Variants in IPCEF1 observed in about 807,000 individuals in gnomAD.
IPCEF1 encodes interactor protein for cytohesin exchange factors 1.
A neutral mutation model predicts 50.9 loss-of-function variants in IPCEF1; 31 were observed. That is an observed-to-expected ratio of 0.61 (90% CI 0.46 to 0.82). The LOEUF (loss-of-function observed/expected upper bound fraction) is 0.82, where lower values mean the gene tolerates loss of function less well. Among genes scored for constraint, IPCEF1 ranks in the 40% least tolerant of loss-of-function variants. The probability of loss-of-function intolerance (pLI) is 0.00; values close to 1 mark genes in which losing one functional copy is unlikely to be tolerated. For synonymous variants in IPCEF1, 181 were observed against 192.0 expected (o/e 0.94, Z 0.47); for missense variants, 458 against 514.0 (o/e 0.89, Z 1.05).
At chr6:154,223,701 C>T (rs1372509963) in intron 5 of IPCEF1, among the ~76,000 whole-genome samples, 1 of 152,212 alleles carries the variant, frequency 6.6e-6, no homozygotes, top group African/African-American at 2.4e-5. Flanking sequence ...ATCTACATTC[C>T]TATCATGGAT....
chr6:154,354,522 A>ACC (rs1784181087), intron 1 of IPCEF1, among the ~76,000 whole-genome samples: 2 of 50,252 alleles, frequency 4.0e-5, no homozygotes, highest in South Asian at 6.2e-4. Flanking sequence ...CTACCACTCC[A>ACC]ATCACCATTT....
intron 1 of IPCEF1, among the ~76,000 whole-genome samples, chr6:154,351,733 A>G (rs946637350): frequency 3.3e-5 from 5 of 152,148 alleles, no homozygotes; most frequent in African/African-American, 1.2e-4. Context: ...TACCTCTCTA[A>G]GCTTCAATTT....
At chr6:154,338,921 C>A (rs899204639) in intron 1 of IPCEF1, among the ~76,000 whole-genome samples, 1 of 152,080 alleles carries the variant, frequency 6.6e-6, no homozygotes, top group Non-Finnish European at 1.5e-5. Flanking sequence ...CCGAGTGACA[C>A]AGCAAAACCC....
At chr6:154,210,955 A>G (rs1277173522) in intron 9 of IPCEF1, among the ~76,000 whole-genome samples, 3 of 152,232 alleles carry the variant, frequency 2.0e-5, no homozygotes, top group African/African-American at 7.2e-5. Flanking sequence ...TAAATAATCA[A>G]TATAATACCT....
rs1428765209 is a variant in IPCEF1 at position 154,155,611 on chromosome 6, A to C, written c.*4217T>G. On this transcript the variant is annotated 3_prime_UTR_variant, in exon 12 of 12. Coordinates refer to ENST00000367220, the MANE Select transcript of IPCEF1 (RefSeq NM_001130700.2). ...CAGGAGTTTGAAACCAGCCTGGGCAACATGGTAAACCCCGGTCTCTACTAA... is the reference window on the plus strand; with the variant it reads ...CAGGAGTTTGAAACCAGCCTGGGCACCATGGTAAACCCCGGTCTCTACTAA... The C allele has an allele frequency of 6.6e-6, 1 of 152,150 alleles. No individual in the cohort carries two copies. Among genetic ancestry groups the C allele is most frequent in the East Asian group, 1.9e-4 (1 of 5,190 alleles). The allele number at this position is 152,150 out of a possible 1,614,324, so 9.4% of individuals were successfully genotyped here.
intron 1 of IPCEF1, among the ~76,000 whole-genome samples, chr6:154,351,431 G>A (rs950782792): frequency 6.6e-6 from 1 of 152,140 alleles, no homozygotes; most frequent in Admixed American, 6.6e-5. Flanking sequence ...AATCACGGAT[G>A]TGCAATCATG....
intron 10 of IPCEF1, among the ~76,000 whole-genome samples, chr6:154,180,409 TA>T (rs1247887583): frequency 0.13 from 5,865 of 45,756 alleles, 389 homozygotes; most frequent in African/African-American, 0.31. Flanking sequence ...TATATATATA[TA>T]TATATTTTTT....
In IPCEF1 at chr6:154,158,986, C is replaced by G. The variant is rs1231373375; in HGVS notation, c.*842G>C. The G allele has an allele frequency of 6.6e-6, 1 of 151,970 alleles. No individual in the cohort carries two copies. Among genetic ancestry groups the G allele is most frequent in the Admixed American group, 6.6e-5 (1 of 15,252 alleles). 9.4% of individuals were successfully genotyped at this position (151,970 alleles called of 1,614,324 possible). A position where few individuals can be genotyped will look rare whatever the true frequency, so the allele number is the denominator to read the frequency against. ...TCTTGTCAATATTGATCCTGGGAAA[C>G]CTGGATATAAATTCACACTATGTAT... is the stretch of plus-strand genomic sequence containing the variant. On this transcript the variant is annotated 3_prime_UTR_variant, in exon 12 of 12. Transcript: ENST00000367220.
chr6:154,179,266 C>G (rs142915979), intron 10 of IPCEF1, among the ~76,000 whole-genome samples: 313 of 152,260 alleles, frequency 2.1e-3, no homozygotes, highest in African/African-American at 6.9e-3. Context: ...CTACAGCAGG[C>G]TTGTCAAACC....
At chr6:154,165,803 A>T (rs1441146504) in intron 11 of IPCEF1, among the ~76,000 whole-genome samples, 1 of 151,958 alleles carries the variant, frequency 6.6e-6, no homozygotes, top group Non-Finnish European at 1.5e-5. Context: ...TCACTCACTC[A>T]CTCTCACTGT....
Position 154,308,764 on chromosome 6 carries a change from T to G in IPCEF1, c.-61-19008A>C, listed in dbSNP as rs139671211. ...AGAATCACGAATACACAACCACTATTACAGCACAAAAGGAGTTAACATGCA... is the reference window on the plus strand; with the variant it reads ...AGAATCACGAATACACAACCACTATGACAGCACAAAAGGAGTTAACATGCA... On this transcript the variant is annotated intron_variant, in intron 1 of 11. Coordinates refer to ENST00000367220, the MANE Select transcript of IPCEF1 (RefSeq NM_001130700.2). 3.0e-3 allele frequency among the ~76,000 whole-genome samples: 459 copies of G among 152,336 alleles called. 1 individual carries two copies. Among genetic ancestry groups the G allele is most frequent in the African/African-American group, 0.01 (431 of 41,582 alleles).
rs539226865 is a variant in IPCEF1, at chr6:154,320,352, C to T, written c.-61-30596G>A. Among the ~76,000 whole-genome samples, 32 of 152,304 alleles carry T rather than the reference C, an allele frequency of 2.1e-4. No individual in the cohort carries two copies. The South Asian group carries it at 6.4e-3, about 31-fold the overall frequency. On this transcript the variant is annotated intron_variant, in intron 1 of 11. Transcript: ENST00000367220. ...TCCTGCTCATCTTTTGGCTACTTCA[C>T]AGCTCATTTCACTCTAGAGAAAAAG...
intron 5 of IPCEF1, among the ~76,000 whole-genome samples, chr6:154,240,100 G>T (rs1780459048): frequency 6.6e-6 from 1 of 152,148 alleles, no homozygotes; most frequent in South Asian, 2.1e-4. Context: ...TAAATTAAAA[G>T]CCCATAATTC....
rs564637754 is a variant in IPCEF1, at chr6:154,291,845, C to T, written c.-61-2089G>A. Among the ~76,000 whole-genome samples the T allele has an allele frequency of 1.4e-4, 22 of 151,954 alleles. No homozygotes were observed. The East Asian group carries it at 3.9e-3, about 27-fold the overall frequency. The stretch of plus-strand genomic sequence containing the variant: ...GACTACAGGTGCCCACCACCACGCC[C>T]GGCTAATTTTTGTGTTTTTAGTAGA... On this transcript the variant is annotated intron_variant, in intron 1 of 11. Coordinates refer to ENST00000367220, the MANE Select transcript of IPCEF1 (RefSeq NM_001130700.2).
intron 1 of IPCEF1, among the ~76,000 whole-genome samples, chr6:154,324,799 T>C (rs905896280): frequency 6.6e-6 from 1 of 152,036 alleles, no homozygotes; most frequent in East Asian, 1.9e-4. Context: ...CAGAGAGAGA[T>C]TCTGTCTCGA....
At chr6:154,312,663 T>C (rs976376047) in intron 1 of IPCEF1, among the ~76,000 whole-genome samples, 1 of 151,948 alleles carries the variant, frequency 6.6e-6, no homozygotes, top group Admixed American at 6.6e-5. Flanking sequence ...AAACTTTTAT[T>C]TGGACAGGAG....
Position 154,167,967 on chromosome 6 carries a change from T to C in IPCEF1, c.1057A>G (p.Ile353Val). The C allele has an allele frequency of 1.2e-6, 2 of 1,607,464 alleles. No homozygotes were observed. The highest frequency in any genetic ancestry group is 1.7e-6 in the Non-Finnish European group (2 of 1,174,714). Reference protein sequence around the residue: ...SFVKRCKNPSINEKLHKIRTL... With the variant: ...SFVKRCKNPSVNEKLHKIRTL... Reference sequence around the variant, plus strand: ...CGGATTTTGTGGAGTTTCTCGTTTATAGATGGATTTTTACACCGCTTAACA... The same window carrying C: ...CGGATTTTGTGGAGTTTCTCGTTTACAGATGGATTTTTACACCGCTTAACA... Residue 353 changes from isoleucine (I) to valine (V), a missense_variant, in exon 11 of 12, where the codon ATA becomes GTA. Transcript: ENST00000367220.
chr6:154,277,514 A>T (rs564802446), intron 2 of IPCEF1, among the ~76,000 whole-genome samples: 1 of 152,320 alleles, frequency 6.6e-6, no homozygotes, highest in Non-Finnish European at 1.5e-5. Flanking sequence ...CAACTCCCTA[A>T]TTTGACATTC....
chr6:154,199,547 T>C, intron 10 of IPCEF1, 121 bp downstream of exon 10: 1 of 1,197,128 alleles, frequency 8.4e-7, no homozygotes, highest in Non-Finnish European at 1.1e-6. Flanking sequence ...ATAGCCCCAC[T>C]TGACTAATTA....
Sources: allele counts gnomAD v4.1 joint callset (sites outside exome capture counted in the v4.1 genomes callset), GRCh38; gene constraint gnomAD v4.1.1; transcripts MANE v1.5; gene names NCBI Gene and HGNC (gene_info 2026-07-23, HGNC 2026-07-21).